Variants in ZDHHC13 observed in about 807,000 individuals in gnomAD.
The protein encoded by ZDHHC13 is palmitoyltransferase ZDHHC13.
Under a neutral mutation model 86.0 loss-of-function variants are expected in ZDHHC13, and 85 were observed. The observed-to-expected ratio is 0.99, with a 90% confidence interval of 0.83 to 1.18. The LOEUF (loss-of-function observed/expected upper bound fraction) is 1.18. Ranked by LOEUF, ZDHHC13 falls within the 50% of genes most tolerant of loss-of-function variation. The pLI is 0.00. For synonymous variants in ZDHHC13, 263 were observed against 246.4 expected (o/e 1.07, Z -0.63); for missense variants, 711 against 730.2 (o/e 0.97, Z 0.30).
Position 19,130,053 on chromosome 11 carries a change from A to C in ZDHHC13, c.27+12777A>C, listed in dbSNP as rs558877012. On this transcript the variant is annotated intron_variant, in intron 1 of 16. Transcript: ENST00000446113. ...CAGTGAGCCGAGATCACGCCACTGC[A>C]CTCCAGCCTGGGCAACAGAGTGAGA... is the stretch of plus-strand genomic sequence containing the variant. Among the ~76,000 whole-genome samples, 6 of 152,012 alleles carry C rather than the reference A, an allele frequency of 3.9e-5. No individual in the cohort carries two copies. In the South Asian group the frequency reaches 1.2e-3, roughly 32 times the overall value.
chr11:19,118,229 C>A (rs915498885), intron 1 of ZDHHC13, among the ~76,000 whole-genome samples: 34 of 152,166 alleles, frequency 2.2e-4, no homozygotes, highest in Admixed American at 1.8e-3. Flanking sequence ...GCGGTAGATT[C>A]TCAGTTTGGG....
chr11:19,134,950 T>C (rs1849093743), intron 1 of ZDHHC13, among the ~76,000 whole-genome samples: 1 of 152,262 alleles, frequency 6.6e-6, no homozygotes, highest in Non-Finnish European at 1.5e-5. Context: ...GAGGATTGCC[T>C]GAGCCCTGGA....
intron 1 of ZDHHC13, among the ~76,000 whole-genome samples, chr11:19,142,046 T>G (rs1200942632): frequency 1.3e-5 from 2 of 152,144 alleles, no homozygotes; most frequent in African/African-American, 2.4e-5. Context: ...TAACACCTAT[T>G]TATTATGTCA....
intron 4 of ZDHHC13, 87 bp downstream of exon 4, chr11:19,147,760 G>A: frequency 2.3e-6 from 2 of 857,614 alleles, no homozygotes; most frequent in Non-Finnish European, 3.3e-6. Context: ...GATTTGAAAG[G>A]CTGTCTTTTC....
chr11:19,147,505 A>T (rs560560862), intron 3 of ZDHHC13, 91 bp from the exon 4 acceptor site: 1 of 1,116,142 alleles, frequency 9.0e-7, no homozygotes, highest in South Asian at 1.5e-5. Context: ...GTTCTCCAAC[A>T]TATTTATTAC....
intron 14 of ZDHHC13, chr11:19,169,776 G>A (rs1850169761): frequency 7.1e-6 from 7 of 985,310 alleles, no homozygotes; most frequent in Non-Finnish European, 7.2e-6. Flanking sequence ...TTCTTTAATT[G>A]GCACACCTGG....
intron 1 of ZDHHC13, among the ~76,000 whole-genome samples, chr11:19,136,643 G>C (rs1322503855): frequency 6.6e-6 from 1 of 151,884 alleles, no homozygotes; most frequent in Non-Finnish European, 1.5e-5. Context: ...TGAAATGAAG[G>C]AAAAAATGTT....
chr11:19,161,750 TGAGTTTCA>T (rs1849917352), intron 10 of ZDHHC13, among the ~76,000 whole-genome samples: 1 of 152,148 alleles, frequency 6.6e-6, no homozygotes, highest in South Asian at 2.1e-4. Context: ...AGTCCCATAC[TGAGTTTCA>T]GAAAATCAGT....
chr11:19,163,060 T>G lies in ZDHHC13; in HGVS notation c.1109-243T>G, dbSNP rs78890073. Among the ~76,000 whole-genome samples, 20 of 152,296 alleles carry G rather than the reference T, an allele frequency of 1.3e-4. No homozygotes were observed. In the East Asian group the frequency reaches 2.9e-3, roughly 22 times the overall value. ...GTGTCACTTTTCAGGATGTTCCTCATAAGTTGCAACTATTCCTATCAAGTA... is the reference window on the plus strand; with the variant it reads ...GTGTCACTTTTCAGGATGTTCCTCAGAAGTTGCAACTATTCCTATCAAGTA... On this transcript the variant is annotated intron_variant, in intron 10 of 16. Transcript: ENST00000446113.
At chr11:19,166,771 G>T (rs1850083919) in intron 14 of ZDHHC13, 1 of 157,036 alleles carries the variant, frequency 6.4e-6, no homozygotes. Context: ...TAGTTGTCCA[G>T]TCATTAAGGA....
intron 4 of ZDHHC13, chr11:19,148,498 A>T (rs559583023): frequency 2.0e-5 from 3 of 152,246 alleles, no homozygotes; most frequent in Admixed American, 2.0e-4. Flanking sequence ...TGAATATTAT[A>T]TTTCTGTATA....
At chr11:19,133,352 C>CATATATATATATATAT (rs149739194) in intron 1 of ZDHHC13, among the ~76,000 whole-genome samples, 17 of 144,904 alleles carry the variant, frequency 1.2e-4, no homozygotes, top group African/African-American at 4.3e-4. Context: ...GAATTGTTTA[C>CATATATATATATATAT]ATATATATAT....
At chr11:19,135,943 C>A (rs1271372247) in intron 1 of ZDHHC13, among the ~76,000 whole-genome samples, 1 of 151,922 alleles carries the variant, frequency 6.6e-6, no homozygotes, top group Non-Finnish European at 1.5e-5. Flanking sequence ...CATCAAAGAC[C>A]AAAAGTAGAT....
At position 19,152,302 on chromosome 11, in the gene ZDHHC13, G is replaced by T. The variant is rs772356203; in HGVS notation, c.729G>T (p.Leu243=). The stretch of plus-strand genomic sequence containing the variant: ...AGCTTTTGGAAGCTGGTTCTAGCCT[G>T]GATATCCAGAATGTTAAGGTATGGC... The part of the protein sequence containing the change: ...VDKLLEAGSS[L]DIQNVKGETP... The change falls in exon 7 of 17, where the codon CTG becomes CTT. Residue 243 remains leucine, a synonymous_variant. Transcript: ENST00000446113. The T allele has an allele frequency of 6.2e-7, 1 of 1,612,942 alleles. No homozygotes were observed. The highest frequency in any genetic ancestry group is 1.7e-5 in the Admixed American group (1 of 59,910).
chr11:19,119,382 G>A (rs1413072832), intron 1 of ZDHHC13, among the ~76,000 whole-genome samples: 2 of 152,162 alleles, frequency 1.3e-5, no homozygotes, highest in East Asian at 1.9e-4. Context: ...TGGCATTACA[G>A]GCGTGAGCCA....
At chr11:19,136,209 A>C (rs1299887878) in intron 1 of ZDHHC13, among the ~76,000 whole-genome samples, 1 of 152,202 alleles carries the variant, frequency 6.6e-6, no homozygotes, top group Non-Finnish European at 1.5e-5. Flanking sequence ...TAGAATAACC[A>C]ATACAGAGGA....
At chr11:19,147,739 CA>C in intron 4 of ZDHHC13, 66 bp downstream of exon 4, 1 of 990,362 alleles carries the variant, frequency 1.0e-6, no homozygotes, top group Non-Finnish European at 1.5e-6. Flanking sequence ...TATAAAAAAT[CA>C]GTTATAGACG....
chr11:19,163,794 G>A (rs1448310922), intron 11 of ZDHHC13, among the ~76,000 whole-genome samples: 1 of 152,094 alleles, frequency 6.6e-6, no homozygotes, highest in East Asian at 1.9e-4. Context: ...CTTATTGGCT[G>A]AGGAGATGCC....
At chr11:19,153,911 C>A (rs1161890654) in intron 8 of ZDHHC13, among the ~76,000 whole-genome samples, 3 of 151,358 alleles carry the variant, frequency 2.0e-5, no homozygotes, top group Non-Finnish European at 4.4e-5. Context: ...GACGGGTTAA[C>A]TAGTTCAGCC....
Sources: gnomAD v4.1 joint callset for allele counts (sites outside exome capture counted in the v4.1 genomes callset) on GRCh38, gnomAD v4.1.1 for gene constraint, MANE v1.5 for transcripts, NCBI Gene and HGNC (gene_info 2026-07-23, HGNC 2026-07-21) for gene names.